Variants in PRPF3 observed in about 807,000 individuals in gnomAD.
PRPF3 encodes the protein U4/U6 small nuclear ribonucleoprotein Prp3.
In PRPF3, 3 loss-of-function variants were observed where a neutral mutation model predicts 89.2. That is an observed-to-expected ratio of 0.03 (90% CI 0.02 to 0.09). The LOEUF (loss-of-function observed/expected upper bound fraction) is 0.09. Among genes scored for constraint, PRPF3 ranks in the 10% least tolerant of loss-of-function variants. The probability of loss-of-function intolerance (pLI) is 1.00; values close to 1 mark genes in which losing one functional copy is unlikely to be tolerated. For missense variants in PRPF3, 463 were observed against 828.8 expected (o/e 0.56, Z 5.42); for synonymous variants, 270 against 289.1 (o/e 0.93, Z 0.67).
chr1:150,350,778 T>C (rs1553874194), intron 15 of PRPF3, among the ~76,000 whole-genome samples: 1 of 150,866 alleles, frequency 6.6e-6, no homozygotes, highest in East Asian at 2.0e-4. Context: ...CTGGGCAATA[T>C]GGCGAAACCC....
chr1:150,350,958 CT>C (rs1658866922), intron 15 of PRPF3, among the ~76,000 whole-genome samples: 1 of 150,132 alleles, frequency 6.7e-6, no homozygotes. Context: ...GAAACCCTGT[CT>C]TAAAAAAAAA....
At chr1:150,323,944 A>AT (rs1655405142) in intron 1 of PRPF3, among the ~76,000 whole-genome samples, 1 of 151,306 alleles carries the variant, frequency 6.6e-6, no homozygotes, top group Admixed American at 6.6e-5. Context: ...GCCCAGCTAA[A>AT]TTTTTTTGTA....
chr1:150,340,537 C>T, intron 9 of PRPF3, 60 bp downstream of exon 9: 1 of 1,243,672 alleles, frequency 8.0e-7, no homozygotes, highest in Non-Finnish European at 1.2e-6. Flanking sequence ...GAAATTTATA[C>T]AGTGAGGAAC....
chr1:150,336,293 C>G (rs1013555257), intron 7 of PRPF3, among the ~76,000 whole-genome samples: 1 of 152,026 alleles, frequency 6.6e-6, no homozygotes, highest in Non-Finnish European at 1.5e-5. Context: ...CTGAGAATCT[C>G]ATGCCACCGA....
chr1:150,327,042 C>CACGATAGG (rs1322006683), intron 3 of PRPF3, among the ~76,000 whole-genome samples: 4 of 150,282 alleles, frequency 2.7e-5, no homozygotes, highest in African/African-American at 4.9e-5. Context: ...AAGATTATGT[C>CACGATAGG]ACGATAGGGC....
chr1:150,347,763 C>T (rs782766555), intron 14 of PRPF3, among the ~76,000 whole-genome samples: 1 of 151,938 alleles, frequency 6.6e-6, no homozygotes, highest in African/African-American at 2.4e-5. Context: ...ATCTGACCTA[C>T]AGGACATCAT....
At chr1:150,322,109 G>A (rs1251510697) in intron 1 of PRPF3, among the ~76,000 whole-genome samples, 1 of 152,096 alleles carries the variant, frequency 6.6e-6, no homozygotes, top group Admixed American at 6.6e-5. Flanking sequence ...TTATCCATTG[G>A]CTGTTTAGTT....
intron 7 of PRPF3, among the ~76,000 whole-genome samples, chr1:150,336,142 C>G (rs1656969646): frequency 6.6e-6 from 1 of 152,066 alleles, no homozygotes; most frequent in Non-Finnish European, 1.5e-5. Context: ...TCACTGGGAG[C>G]CTTGAGCTTG....
chr1:150,328,744 G>C (rs1193089099), intron 4 of PRPF3, among the ~76,000 whole-genome samples: 1 of 151,212 alleles, frequency 6.6e-6, no homozygotes, highest in Admixed American at 6.6e-5. Context: ...GTAGAGATGG[G>C]GTTTCACCAT....
intron 15 of PRPF3, among the ~76,000 whole-genome samples, chr1:150,349,887 G>GCGGGGGGA (rs1339317015): frequency 8.5e-6 from 1 of 117,396 alleles, no homozygotes; most frequent in Non-Finnish European, 1.9e-5. Flanking sequence ...TTTTTTGGGG[G>GCGGGGGGA]CGGGGGGGCG....
intron 14 of PRPF3, among the ~76,000 whole-genome samples, chr1:150,346,869 C>T (rs1553873084): frequency 6.6e-6 from 1 of 151,836 alleles, no homozygotes; most frequent in Non-Finnish European, 1.5e-5. Context: ...GGCAGATTGC[C>T]TGAGGCCAGG....
chr1:150,345,863 C>T lies in PRPF3; in HGVS notation c.1641-155C>T. 4.1e-6 allele frequency: 3 copies of T among 738,364 alleles called. No homozygotes were observed. The South Asian group carries it at 4.3e-5, about 11-fold the overall frequency. The allele number at this position is 738,364 out of a possible 1,614,324, so 45.7% of individuals were successfully genotyped here. A position where few individuals can be genotyped will look rare whatever the true frequency, so the allele number is the denominator to read the frequency against. On this transcript the variant is annotated intron_variant, in intron 12 of 15. Transcript: ENST00000324862. The stretch of plus-strand genomic sequence containing the variant: ...AGTGTGGAAATATTTCTAGACTCAT[C>T]AACTCTACCTTTTAAGCATTCATCT...
At chr1:150,344,594 A>G (rs782319174) in intron 12 of PRPF3, 47 bp downstream of exon 12, 7 of 1,592,552 alleles carry the variant, frequency 4.4e-6, no homozygotes, top group Middle Eastern at 1.7e-4. Flanking sequence ...TTACTAAAAC[A>G]TTTTCCAAGT....
intron 8 of PRPF3, among the ~76,000 whole-genome samples, chr1:150,338,795 G>A (rs1657336841): frequency 6.6e-6 from 1 of 152,026 alleles, no homozygotes; most frequent in Non-Finnish European, 1.5e-5. Flanking sequence ...GATTACAGGC[G>A]TGAGCCACTG....
intron 4 of PRPF3, among the ~76,000 whole-genome samples, chr1:150,332,308 C>A (rs80143938): frequency 2.6e-5 from 4 of 152,072 alleles, no homozygotes; most frequent in Non-Finnish European, 5.9e-5. Context: ...AACACTAGAC[C>A]TGTAAGGTAG....
At chr1:150,330,857 C>T (rs1267520734) in intron 4 of PRPF3, among the ~76,000 whole-genome samples, 4 of 151,456 alleles carry the variant, frequency 2.6e-5, no homozygotes, top group Non-Finnish European at 4.4e-5. Context: ...GCTGGGATTA[C>T]AGGCACGCGC....
chr1:150,343,237 G>GA (rs201623637), intron 9 of PRPF3, 72 bp from the exon 10 acceptor site: 72 of 831,134 alleles, frequency 8.7e-5, no homozygotes, highest in African/African-American at 9.1e-5. Context: ...GTGAGAGAGA[G>GA]AAAAAAAAAA....
At chr1:150,338,605 A>T (rs1247140528) in intron 8 of PRPF3, among the ~76,000 whole-genome samples, 1 of 150,388 alleles carries the variant, frequency 6.6e-6, no homozygotes, top group Non-Finnish European at 1.5e-5. Flanking sequence ...GGTTCAAGAG[A>T]TTCTCCTTGA....
rs1553866131 is a variant in PRPF3, at chr1:150,333,022, G to A, written c.551G>A (p.Gly184Asp). Residue 184 changes from glycine to aspartate, a missense_variant, in exon 6 of 16, where the codon GGC becomes GAC. By Grantham distance (94) the Gly-to-Asp change is moderately conservative (BLOSUM62 -1). This residue lies in a region of PRPF3 where 38 missense variants were observed against 48.3 expected (regional missense o/e 0.79). Coordinates refer to ENST00000324862, the MANE Select transcript of PRPF3 (RefSeq NM_004698.4). ...SSSQPERLPI[G>D]NTIQPSQAAT... The stretch of plus-strand genomic sequence containing the variant: ...TCCCAACCAGAACGACTTCCTATTG[G>A]CAACACTATTCAGCCCTCCCAGGCT... 5.6e-6 allele frequency: 9 copies of A among 1,613,924 alleles called. No homozygotes were observed. Among genetic ancestry groups the A allele is most frequent in the Non-Finnish European group, 7.6e-6 (9 of 1,180,022 alleles).
Sources: allele counts gnomAD v4.1 joint callset (sites outside exome capture counted in the v4.1 genomes callset), GRCh38; gene constraint gnomAD v4.1.1; regional missense constraint gnomAD v4.1.1; transcripts MANE v1.5; gene names NCBI Gene and HGNC (gene_info 2026-07-23, HGNC 2026-07-21).